Variants in ITGB1 observed in about 807,000 individuals in gnomAD.
The protein encoded by ITGB1 is integrin subunit beta 1, also known as integrin beta-1.
In ITGB1, 24 loss-of-function variants were observed where a neutral mutation model predicts 86.5. The ratio of observed to expected loss-of-function variants is 0.28; its 90% CI spans 0.20 to 0.39. The LOEUF (loss-of-function observed/expected upper bound fraction) is 0.39, where lower values mean the gene tolerates loss of function less well. Ranked by LOEUF, ITGB1 falls within the 10% of genes least tolerant of loss-of-function variation. ITGB1 has a pLI of 1.00. For missense variants in ITGB1, 556 were observed against 946.9 expected (o/e 0.59, Z 5.42); for synonymous variants, 323 against 316.8 (o/e 1.02, Z -0.21).
At chr10:32,920,136 A>C in intron 10 of ITGB1, 52 bp from the exon 11 acceptor site, 1 of 1,568,972 alleles carries the variant, frequency 6.4e-7, no homozygotes, top group South Asian at 1.1e-5. Flanking sequence ...AAATCTACTA[A>C]AAAATATTTC....
Position 32,910,359 on chromosome 10 carries a change from C to T in ITGB1, c.2028G>A (p.Arg676=), listed in dbSNP as rs1242593465. The T allele has an allele frequency of 7.5e-6, 12 of 1,600,726 alleles. No homozygotes were observed. Among genetic ancestry groups the T allele is most frequent in the African/African-American group, 1.3e-5 (1 of 74,652 alleles). ...SYFNITKVES[R]DKLPQPVQPD... is the part of the protein sequence containing the mutation. The stretch of plus-strand genomic sequence containing the variant: ...GTTGGACCGGCTGGGGTAATTTGTC[C>T]CGACTTTCTACCTTGGTAATGTTAA... Residue 676 remains arginine, a synonymous_variant, in exon 14 of 16, where the codon CGG becomes CGA. Coordinates refer to ENST00000302278, the MANE Select transcript of ITGB1 (RefSeq NM_002211.4).
chr10:32,956,938 TGGTTTAAACGC>T (rs2095053511), intron 1 of ITGB1, among the ~76,000 whole-genome samples: 1 of 152,208 alleles, frequency 6.6e-6, no homozygotes, highest in Non-Finnish European at 1.5e-5. Flanking sequence ...AGGTTACTTG[TGGTTTAAACGC>T]GGACTCTGGA....
At chr10:32,916,718 C>A (rs2094932750) in intron 11 of ITGB1, among the ~76,000 whole-genome samples, 1 of 152,196 alleles carries the variant, frequency 6.6e-6, no homozygotes, top group Admixed American at 6.5e-5. Flanking sequence ...AAGAACATTC[C>A]ATGCTCATGG....
At position 32,927,193 on chromosome 10, in the gene ITGB1, C is replaced by T. The variant is rs2094967680; in HGVS notation, c.547+901G>A. Reference sequence around the variant, plus strand: ...TTACAGAATAAAAGAACATTTTAAGCAAGTGCTATTTTTAAATGTTTCCAC... The same window carrying T: ...TTACAGAATAAAAGAACATTTTAAGTAAGTGCTATTTTTAAATGTTTCCAC... On this transcript the variant is annotated intron_variant, in intron 5 of 15. Coordinates refer to ENST00000302278, the MANE Select transcript of ITGB1 (RefSeq NM_002211.4). 2.0e-5 allele frequency among the ~76,000 whole-genome samples: 3 copies of T among 152,140 alleles called. No individual in the cohort carries two copies. In the South Asian group the frequency reaches 6.2e-4, roughly 32 times the overall value.
intron 3 of ITGB1, 142 bp from the exon 4 acceptor site, chr10:32,930,186 T>C (rs1237737780): frequency 1.3e-5 from 8 of 610,136 alleles, no homozygotes; most frequent in Non-Finnish European, 2.3e-5. Flanking sequence ...AACAAAATGC[T>C]CCCTTCATCC....
rs2094881453 is a variant in ITGB1 at position 32,901,393 on chromosome 10, G to A, written c.*177C>T. On this transcript the variant is annotated 3_prime_UTR_variant, in exon 16 of 16. Coordinates refer to ENST00000302278, the MANE Select transcript of ITGB1 (RefSeq NM_002211.4). ...GTCTCAAGTCTTTTGTCAGTCCCTGGCATGAATTACAACATTATTTTCAAA... is the reference window on the plus strand; with the variant it reads ...GTCTCAAGTCTTTTGTCAGTCCCTGACATGAATTACAACATTATTTTCAAA... 2.0e-6 allele frequency: 1 copy of A among 496,054 alleles called. No individual in the cohort carries two copies. The highest frequency in any genetic ancestry group is 3.6e-6 in the Non-Finnish European group (1 of 277,732). The allele number at this position is 496,054 out of a possible 1,614,324, so 30.7% of individuals were successfully genotyped here. A position where few individuals can be genotyped will look rare whatever the true frequency, so the allele number is the denominator to read the frequency against.
Position 32,937,554 on chromosome 10 carries a change from C to CAA in ITGB1, c.1-1998_1-1997dup, listed in dbSNP as rs56280552. ...CTGGCGAAAGAGCGAGACTCCGTCT[C>CAA]AAAAAAAAAAAAAAAAAAAAAAAAG... On this transcript the variant is annotated intron_variant, in intron 1 of 15. Transcript: ENST00000302278. Among the ~76,000 whole-genome samples the CAA allele has an allele frequency of 7.1e-3, 651 of 91,136 alleles. 5 individuals carry two copies. The highest frequency in any genetic ancestry group is 0.012 in the East Asian group (28 of 2,368). 59.8% of individuals were successfully genotyped at this position (91,136 alleles called of 152,430 possible). A position where few individuals can be genotyped will look rare whatever the true frequency, so the allele number is the denominator to read the frequency against.
chr10:32,922,533 T>G (rs896839889), intron 8 of ITGB1, 107 bp downstream of exon 8: 31 of 785,392 alleles, frequency 3.9e-5, no homozygotes, highest in Non-Finnish European at 5.8e-5. Context: ...TTTGTAAAAT[T>G]CGGTTTGCCT....
At chr10:32,944,609 C>G in intron 1 of ITGB1, 1 of 571,314 alleles carries the variant, frequency 1.8e-6, no homozygotes, top group Admixed American at 2.1e-5. Flanking sequence ...TCAGCTGGCC[C>G]TATATGAGCT....
At chr10:32,957,201 C>T (rs1024798338) in intron 1 of ITGB1, among the ~76,000 whole-genome samples, 4 of 152,090 alleles carry the variant, frequency 2.6e-5, no homozygotes, top group African/African-American at 9.7e-5. Context: ...GATGAGGAAA[C>T]GGAAGCTTAG....
At chr10:32,916,983 C>G (rs140687291) in intron 11 of ITGB1, among the ~76,000 whole-genome samples, 13,263 of 152,148 alleles carry the variant, frequency 0.087, 818 homozygotes, top group Admixed American at 0.2. Flanking sequence ...GGTACTGGTA[C>G]CAAAACAGAG....
rs1229564889 is a variant in ITGB1, at chr10:32,901,606, T to TA, written c.2360dup (p.Thr788AsnfsTer9). 6.2e-7 allele frequency: 1 copy of TA among 1,605,660 alleles called. No individual in the cohort carries two copies. The highest frequency in any genetic ancestry group is 8.5e-7 in the Non-Finnish European group (1 of 1,174,210). On this transcript the variant is annotated frameshift_variant, in exon 16 of 16. Transcript: ENST00000302278. LOFTEE classifies it high-confidence loss of function. The stretch of plus-strand genomic sequence containing the variant: ...CATACTTCGGATTGACCACAGTTGT[T>TA]ACGGCACTCTTATAAATAGGATTTT...
At chr10:32,902,954 G>C (rs1315781189) in intron 15 of ITGB1, among the ~76,000 whole-genome samples, 1 of 152,112 alleles carries the variant, frequency 6.6e-6, no homozygotes, top group Non-Finnish European at 1.5e-5. Flanking sequence ...TTGTGAAATT[G>C]ACTAGAAAAA....
At chr10:32,912,905 C>T (rs1464843392) in intron 11 of ITGB1, among the ~76,000 whole-genome samples, 3 of 152,212 alleles carry the variant, frequency 2.0e-5, no homozygotes, top group Non-Finnish European at 4.4e-5. Flanking sequence ...CTGGGAGACA[C>T]CTCCTAGTAG....
chr10:32,933,066 C>T (rs1340206382), intron 2 of ITGB1, among the ~76,000 whole-genome samples: 2 of 152,238 alleles, frequency 1.3e-5, no homozygotes, highest in South Asian at 4.1e-4. Context: ...CTTCTCACTA[C>T]CCTTCCCAGC....
intron 11 of ITGB1, among the ~76,000 whole-genome samples, chr10:32,914,361 C>T (rs2094924786): frequency 2.0e-5 from 3 of 152,158 alleles, no homozygotes; most frequent in Admixed American, 1.3e-4. Flanking sequence ...TTAAAAGACA[C>T]AGACTGGCAA....
chr10:32,929,923 T>C lies in ITGB1; in HGVS notation c.275A>G (p.Asn92Ser). Residue 92 changes from asparagine to serine, a missense_variant, in exon 4 of 16, where the codon AAT becomes AGT. By Grantham distance (46) the Asn-to-Ser change is conservative (BLOSUM62 1). Coordinates refer to ENST00000302278, the MANE Select transcript of ITGB1 (RefSeq NM_002211.4). ...TTTGCTACGGTTGGTTACATTTTTA[T>C]TTTTCTTTATATCTTTGGAGCCTCT... ...NPRGSKDIKKNKNVTNRSKGT... is the reference protein window; with the variant it reads ...NPRGSKDIKKSKNVTNRSKGT... 1 of 1,601,532 alleles carries C rather than the reference T, an allele frequency of 6.2e-7. No individual in the cohort carries two copies. Among genetic ancestry groups the C allele is most frequent in the African/African-American group, 1.3e-5 (1 of 74,788 alleles).
At chr10:32,930,346 G>C (rs11009152) in intron 3 of ITGB1, among the ~76,000 whole-genome samples, 21,190 of 152,060 alleles carry the variant, frequency 0.14, 1,744 homozygotes, top group East Asian at 0.25. Flanking sequence ...ATCACTAATT[G>C]AGCATGGTTA....
At chr10:32,929,133 C>T (rs970490683) in intron 4 of ITGB1, among the ~76,000 whole-genome samples, 10 of 151,994 alleles carry the variant, frequency 6.6e-5, no homozygotes, top group African/African-American at 2.2e-4. Flanking sequence ...AAAGAAAAAC[C>T]GAGGAGTGGT....
Sources: allele counts gnomAD v4.1 joint callset (sites outside exome capture counted in the v4.1 genomes callset), GRCh38; gene constraint gnomAD v4.1.1; transcripts MANE v1.5; gene names NCBI Gene and HGNC (gene_info 2026-07-23, HGNC 2026-07-21).